The following POC1A variants were observed in gnomAD, a reference collection of about 807,000 sequenced individuals.
POC1A encodes POC1 centriolar protein homolog A.
POC1A carries 34 observed loss-of-function variants against 47.8 expected under a neutral mutation model. The observed-to-expected ratio is 0.71, with a 90% CI of 0.54 to 0.95. The LOEUF is 0.95. POC1A is among the 40% of genes least tolerant of loss of function. POC1A has a pLI of 0.00. For synonymous variants in POC1A, 177 were observed against 207.6 expected (o/e 0.85, Z 1.27); for missense variants, 466 against 528.3 (o/e 0.88, Z 1.16).
intron 6 of POC1A, among the ~76,000 whole-genome samples, chr3:52,142,208 G>A (rs962132431): frequency 1.3e-5 from 2 of 152,234 alleles, no homozygotes; most frequent in Admixed American, 6.5e-5. Flanking sequence ...GTGCTGTAAG[G>A]CACGAAGCAC....
intron 6 of POC1A, among the ~76,000 whole-genome samples, chr3:52,145,459 C>T (rs2107188273): frequency 6.6e-6 from 1 of 152,338 alleles, no homozygotes; most frequent in South Asian, 2.1e-4. Context: ...GGGCTGTCAC[C>T]TTGGCCCTGG....
intron 9 of POC1A, among the ~76,000 whole-genome samples, chr3:52,109,279 A>G (rs1703297335): frequency 6.6e-6 from 1 of 152,190 alleles, no homozygotes; most frequent in African/African-American, 2.4e-5. Context: ...AAATGGCCTT[A>G]TTTGGAGTAA....
intron 9 of POC1A, among the ~76,000 whole-genome samples, chr3:52,113,090 A>G (rs1210905010): frequency 6.6e-6 from 1 of 152,238 alleles, no homozygotes; most frequent in Non-Finnish European, 1.5e-5. Context: ...GTCAAATGTT[A>G]AAAGGCCTGT....
At chr3:52,149,645 C>G (rs919345900) in intron 3 of POC1A, among the ~76,000 whole-genome samples, 171 bp downstream of exon 3, 3 of 152,356 alleles carry the variant, frequency 2.0e-5, no homozygotes, top group East Asian at 1.9e-4. Context: ...CCTCTTCCAA[C>G]CCTGAGGGGA....
chr3:52,141,882 C>T (rs1056194647), intron 6 of POC1A, among the ~76,000 whole-genome samples: 2 of 152,088 alleles, frequency 1.3e-5, no homozygotes, highest in East Asian at 1.9e-4. Flanking sequence ...TCAGGCCAGG[C>T]GGGGGTGCAG....
intron 7 of POC1A, among the ~76,000 whole-genome samples, chr3:52,137,599 C>T (rs1005474862): frequency 2.6e-5 from 4 of 152,052 alleles, no homozygotes; most frequent in Admixed American, 1.3e-4. Context: ...GGCCTACTTC[C>T]CACAGCCGGC....
At chr3:52,119,457 T>G (rs78144509) in intron 9 of POC1A, among the ~76,000 whole-genome samples, 2 of 151,760 alleles carry the variant, frequency 1.3e-5, no homozygotes, top group Non-Finnish European at 2.9e-5. Flanking sequence ...TGCAGTGGTA[T>G]GATCATAGTT....
intron 9 of POC1A, among the ~76,000 whole-genome samples, chr3:52,120,628 C>T (rs1703745378): frequency 6.6e-6 from 1 of 152,224 alleles, no homozygotes; most frequent in Non-Finnish European, 1.5e-5. Flanking sequence ...TTCTCTGACC[C>T]CAGGACCCAC....
chr3:52,149,743 G>T, intron 3 of POC1A, 73 bp downstream of exon 3: 1 of 1,448,954 alleles, frequency 6.9e-7, no homozygotes, highest in Non-Finnish European at 9.5e-7. Context: ...GCCAAGCTAG[G>T]GGACCTGGGT....
Position 52,138,281 on chromosome 3 carries a change from C to T in POC1A, c.701G>A (p.Gly234Glu), listed in dbSNP as rs764997132. The change falls in exon 7 of 11, where the codon GGG becomes GAG. Residue 234 changes from glycine (G) to glutamate (E), a missense_variant. Transcript: ENST00000296484. ...GTTTCCCGACGGGTGGAAAGAGAGCCCGTTCACTGCTGCACTGTGCACTGG... is the reference window on the plus strand; with the variant it reads ...GTTTCCCGACGGGTGGAAAGAGAGCTCGTTCACTGCTGCACTGTGCACTGG... Reference protein sequence around the residue: ...HYQLHSAAVNGLSFHPSGNYL... With the variant: ...HYQLHSAAVNELSFHPSGNYL... The T allele has an allele frequency of 6.2e-7, 1 of 1,613,308 alleles. No homozygotes were observed. Among genetic ancestry groups the T allele is most frequent in the East Asian group, 2.2e-5 (1 of 44,828 alleles).
chr3:52,116,144 A>G (rs1703556156), intron 9 of POC1A, among the ~76,000 whole-genome samples: 1 of 152,156 alleles, frequency 6.6e-6, no homozygotes, highest in African/African-American at 2.4e-5. Flanking sequence ...AAAAATCCAC[A>G]GGCACCCAGG....
intron 1 of POC1A, among the ~76,000 whole-genome samples, chr3:52,152,553 G>A (rs535231404): frequency 2.0e-5 from 3 of 152,080 alleles, no homozygotes; most frequent in Non-Finnish European, 4.4e-5. Context: ...CTGGACGACA[G>A]AGTGAGACTC....
intron 10 of POC1A, among the ~76,000 whole-genome samples, chr3:52,082,189 G>A (rs1003329073): frequency 2.6e-5 from 4 of 152,150 alleles, no homozygotes; most frequent in African/African-American, 9.7e-5. Context: ...AAGGAAGAGG[G>A]GGGAGTGGGG....
chr3:52,075,408 G>T lies in POC1A; in HGVS notation c.*479C>A, dbSNP rs926567112. 15 of 157,604 alleles carry T rather than the reference G, an allele frequency of 9.5e-5. No homozygotes were observed. Among genetic ancestry groups the T allele is most frequent in the African/African-American group, 3.6e-4 (15 of 41,586 alleles). 9.8% of individuals were successfully genotyped at this position (157,604 alleles called of 1,614,324 possible). ...GCTTGTTCTCAACAAACCTGACTCA[G>T]ATGGGCCCACTTTGGGCCTTTAGTC... is the stretch of plus-strand genomic sequence containing the variant. On this transcript the variant is annotated 3_prime_UTR_variant, in exon 11 of 11. Transcript: ENST00000296484.
In POC1A at chr3:52,147,036, C is replaced by T. The variant is rs763214282; in HGVS notation, c.515G>A (p.Trp172Ter). The T allele has an allele frequency of 6.2e-7, 1 of 1,614,188 alleles. No homozygotes were observed. The highest frequency in any genetic ancestry group is 1.7e-5 in the Admixed American group (1 of 60,034). The change falls in exon 5 of 11, where the codon TGG becomes TAG. Residue 172 changes from tryptophan (W) to a stop codon, truncating the protein, a stop_gained. Transcript: ENST00000296484. LOFTEE classifies it high-confidence loss of function. ...GACACATTCCCGGCTGCTCTTGTCC[C>T]ACAGCTTAACAGTCTTGTCATCACT... The part of the protein sequence containing the change: ...SASDDKTVKL[W>*]DKSSRECVHS...
chr3:52,114,831 T>G lies in POC1A; in HGVS notation c.981+7548A>C, dbSNP rs562957220. Reference sequence around the variant, plus strand: ...GCCTGGCCCCGGTAAAGCCCCACAATAGCCACACGAGGTGGAATGGTGCCC... The same window carrying G: ...GCCTGGCCCCGGTAAAGCCCCACAAGAGCCACACGAGGTGGAATGGTGCCC... On this transcript the variant is annotated intron_variant, in intron 9 of 10. Transcript: ENST00000296484. 1.1e-4 allele frequency among the ~76,000 whole-genome samples: 16 copies of G among 152,284 alleles called. 1 individual carries two copies. The South Asian group carries it at 3.3e-3, about 32-fold the overall frequency.
chr3:52,111,763 A>G (rs1009174387), intron 9 of POC1A, among the ~76,000 whole-genome samples: 17 of 151,754 alleles, frequency 1.1e-4, no homozygotes, highest in African/African-American at 4.1e-4. Flanking sequence ...AGAGACTCTC[A>G]CCCATCTGCT....
At chr3:52,085,167 G>T (rs1228941533) in intron 10 of POC1A, among the ~76,000 whole-genome samples, 1 of 152,114 alleles carries the variant, frequency 6.6e-6, no homozygotes, top group Non-Finnish European at 1.5e-5. Context: ...CGTACCATTG[G>T]CAGGGGCAGC....
intron 8 of POC1A, 141 bp from the exon 9 acceptor site, chr3:52,122,618 T>G: frequency 1.6e-6 from 1 of 636,314 alleles, no homozygotes. Flanking sequence ...CCCAACTCAA[T>G]TCCGGGACCT....
Sources: gnomAD v4.1 joint callset for allele counts (sites outside exome capture counted in the v4.1 genomes callset) on GRCh38, gnomAD v4.1.1 for gene constraint, MANE v1.5 for transcripts, NCBI Gene and HGNC (gene_info 2026-07-23, HGNC 2026-07-21) for gene names.